WDR26: variants seen among roughly 807,000 people sequenced by gnomAD.
WDR26 encodes the protein WD repeat domain 26, also known as WD repeat-containing protein 26.
WDR26 carries 5 observed loss-of-function variants against 84.1 expected under a neutral mutation model. The ratio of observed to expected loss-of-function variants is 0.06; its 90% confidence interval spans 0.03 to 0.13. The LOEUF (loss-of-function observed/expected upper bound fraction) is 0.13, where lower values mean the gene tolerates loss of function less well. WDR26 is among the 10% of genes least tolerant of loss of function. The probability of loss-of-function intolerance (pLI) is 1.00; values close to 1 mark genes in which losing one functional copy is unlikely to be tolerated. For missense variants in WDR26, 642 were observed against 974.9 expected, an observed-to-expected ratio of 0.66 and a Z score of 4.55; for synonymous variants, 415 against 389.6, an observed-to-expected ratio of 1.07 and a Z score of -0.77.
At chr1:224,409,663 C>T (rs1412598897) in intron 7 of WDR26, among the ~76,000 whole-genome samples, 5 of 151,776 alleles carry the variant, frequency 3.3e-5, no homozygotes, top group Admixed American at 3.3e-4. Context: ...GAATATGATA[C>T]CAGCCTGGCC....
intron 7 of WDR26, among the ~76,000 whole-genome samples, chr1:224,411,095 G>A (rs963133214): frequency 1.6e-4 from 25 of 152,144 alleles, no homozygotes; most frequent in African/African-American, 5.1e-4. Context: ...ACTTTGTCAC[G>A]TACTAGCTGT....
intron 3 of WDR26, among the ~76,000 whole-genome samples, chr1:224,428,770 G>T (rs375956954): frequency 6.6e-6 from 1 of 151,820 alleles, no homozygotes; most frequent in Non-Finnish European, 1.5e-5. Context: ...GCCAGGCTTG[G>T]TGATGGACAC....
chr1:224,424,931 T>C (rs998820055), intron 3 of WDR26, among the ~76,000 whole-genome samples: 9 of 152,164 alleles, frequency 5.9e-5, no homozygotes, highest in African/African-American at 2.2e-4. Context: ...TTGGAAAAAA[T>C]GAATTCTCCT....
rs1206539835 is a variant in WDR26 at position 224,386,907 on chromosome 1, C to G, written c.*2928G>C. On this transcript the variant is annotated 3_prime_UTR_variant, in exon 14 of 14. Transcript: ENST00000414423. The stretch of plus-strand genomic sequence containing the variant: ...AAGCTGAAGCTTTGTCATCCCTCCC[C>G]ACTAACTCCCACTCCAATTCTTTAC... 6.6e-6 allele frequency: 1 copy of G among 152,200 alleles called. No individual in the cohort carries two copies. The highest frequency in any genetic ancestry group is 1.9e-4 in the East Asian group (1 of 5,194). The allele number at this position is 152,200 out of a possible 1,614,324, so 9.4% of individuals were successfully genotyped here. A position where few individuals can be genotyped will look rare whatever the true frequency, so the allele number is the denominator to read the frequency against.
rs972369144 is a variant in WDR26 at position 224,385,696 on chromosome 1, C to T, written c.*4139G>A. The stretch of plus-strand genomic sequence containing the variant: ...CATGCTTTTGTGGATCTATTCCCCT[C>T]GCCACACACACACATTTTCAAGGAG... On this transcript the variant is annotated 3_prime_UTR_variant, in exon 14 of 14. Coordinates refer to ENST00000414423, the MANE Select transcript of WDR26 (RefSeq NM_001379403.1). 2 of 152,708 alleles carry T rather than the reference C, an allele frequency of 1.3e-5. No individual in the cohort carries two copies. Among genetic ancestry groups the T allele is most frequent in the East Asian group, 1.9e-4 (1 of 5,186 alleles). The allele number at this position is 152,708 out of a possible 1,614,324, so 9.5% of individuals were successfully genotyped here. A position where few individuals can be genotyped will look rare whatever the true frequency, so the allele number is the denominator to read the frequency against.
chr1:224,415,453 C>CTTTTTTTTTTTTTTTTTTTTTTTT (rs149995544), intron 6 of WDR26, among the ~76,000 whole-genome samples: 4 of 82,350 alleles, frequency 4.9e-5, no homozygotes, highest in African/African-American at 1.9e-4. Flanking sequence ...GTATTTCTTT[C>CTTTTTTTTTTTTTTTTTTTTTTTT]TTTTTTTTTT....
chr1:224,417,801 C>T (rs1046566407), intron 6 of WDR26, among the ~76,000 whole-genome samples: 6 of 152,072 alleles, frequency 3.9e-5, no homozygotes, highest in Admixed American at 2.6e-4. Context: ...CTCCTAATGT[C>T]GAAAGAGAAG....
rs1261614692 is a variant in WDR26, at chr1:224,401,686, A to G, written c.1600-617T>C. Among the ~76,000 whole-genome samples, 167 of 114,280 alleles carry G rather than the reference A, an allele frequency of 1.5e-3. 2 individuals carry two copies. Among genetic ancestry groups the G allele is most frequent in the Non-Finnish European group, 2.5e-3 (138 of 55,598 alleles). The allele number at this position is 114,280 out of a possible 152,430, so 75.0% of individuals were successfully genotyped here. ...GAGACTGTCTCAAAAAAAAAAAAAAAAAAGAAAAAAAAAAAGAAAAAAGAA... is the reference window on the plus strand; with the variant it reads ...GAGACTGTCTCAAAAAAAAAAAAAAGAAAGAAAAAAAAAAAGAAAAAAGAA... On this transcript the variant is annotated intron_variant, in intron 8 of 13. Coordinates refer to ENST00000414423, the MANE Select transcript of WDR26 (RefSeq NM_001379403.1).
At chr1:224,423,757 G>A (rs1572207720) in intron 4 of WDR26, among the ~76,000 whole-genome samples, 2 of 152,170 alleles carry the variant, frequency 1.3e-5, no homozygotes, top group African/African-American at 4.8e-5. Context: ...CATCCAAGTG[G>A]AGAATGTCAG....
intron 12 of WDR26, among the ~76,000 whole-genome samples, chr1:224,395,439 TTC>T (rs1673233492): frequency 6.6e-6 from 1 of 152,160 alleles, no homozygotes; most frequent in Non-Finnish European, 1.5e-5. Context: ...GCTTCAAAAT[TTC>T]TGACATGAAG....
At chr1:224,431,869 A>G (rs1420364599) in intron 1 of WDR26, 88 bp from the exon 2 acceptor site, 26 of 1,081,640 alleles carry the variant, frequency 2.4e-5, no homozygotes, top group Admixed American at 3.3e-5. Flanking sequence ...AAACAGATGC[A>G]AAGTTTTTAA....
intron 7 of WDR26, among the ~76,000 whole-genome samples, chr1:224,407,173 A>ATATATATATATAG (rs1558426297): frequency 1.2e-5 from 1 of 81,488 alleles, no homozygotes; most frequent in African/African-American, 5.1e-5. Flanking sequence ...TATATATATA[A>ATATATATATATAG]CTCAAAAACT....
intron 5 of WDR26, among the ~76,000 whole-genome samples, chr1:224,419,169 AC>A (rs1178739764): frequency 2.0e-5 from 3 of 152,228 alleles, no homozygotes; most frequent in Non-Finnish European, 2.9e-5. Context: ...AGAAACCTGG[AC>A]CTTACTATTG....
chr1:224,401,160 G>C, intron 8 of WDR26, 91 bp from the exon 9 acceptor site: 1 of 1,312,306 alleles, frequency 7.6e-7, no homozygotes, highest in Non-Finnish European at 1.0e-6. Flanking sequence ...ATGTCTGGCT[G>C]GTTTCCCAGT....
At chr1:224,408,082 A>C (rs11801436) in intron 7 of WDR26, among the ~76,000 whole-genome samples, 5 of 152,038 alleles carry the variant, frequency 3.3e-5, no homozygotes, top group Admixed American at 2.6e-4. Flanking sequence ...AAACACTGGC[A>C]TAAGAGTCTA....
At chr1:224,407,785 A>G (rs1313962104) in intron 7 of WDR26, among the ~76,000 whole-genome samples, 2 of 152,172 alleles carry the variant, frequency 1.3e-5, no homozygotes, top group East Asian at 3.9e-4. Context: ...CTGAGATTAC[A>G]GCGGTAAGCC....
chr1:224,434,755 C>G lies in WDR26; in HGVS notation c.-350G>C. 1.0e-6 allele frequency: 1 copy of G among 987,040 alleles called. No homozygotes were observed. Among genetic ancestry groups the G allele is most frequent in the Non-Finnish European group, 1.2e-6 (1 of 830,990 alleles). 61.1% of individuals were successfully genotyped at this position (987,040 alleles called of 1,614,324 possible). A position where few individuals can be genotyped will look rare whatever the true frequency, so the allele number is the denominator to read the frequency against. On this transcript the variant is annotated 5_prime_UTR_variant, in exon 1 of 14. Coordinates refer to ENST00000414423, the MANE Select transcript of WDR26 (RefSeq NM_001379403.1). The stretch of plus-strand genomic sequence containing the variant: ...CCTCTGTCCTCGGATCCGCTCCGCT[C>G]TGCTCCCTGGTGTGTTGATTCTTCC...
intron 7 of WDR26, among the ~76,000 whole-genome samples, chr1:224,410,546 A>G (rs779318377): frequency 3.3e-5 from 5 of 152,220 alleles, no homozygotes; most frequent in South Asian, 2.1e-4. Flanking sequence ...CTTTTCATAT[A>G]TATCAATGGG....
At chr1:224,401,798 A>C (rs1231771944) in intron 8 of WDR26, among the ~76,000 whole-genome samples, 2 of 151,958 alleles carry the variant, frequency 1.3e-5, no homozygotes, top group Non-Finnish European at 2.9e-5. Flanking sequence ...TGCTCACAAT[A>C]TAGTAGGGAA....
Sources: allele counts gnomAD v4.1 joint callset (sites outside exome capture counted in the v4.1 genomes callset), GRCh38; gene constraint gnomAD v4.1.1; transcripts MANE v1.5; gene names NCBI Gene and HGNC (gene_info 2026-07-23, HGNC 2026-07-21).